Variants in PRKN observed in about 807,000 individuals in gnomAD.
PRKN encodes the protein E3 ubiquitin-protein ligase parkin.
A neutral mutation model predicts 59.5 loss-of-function variants in PRKN; 56 were observed. The observed-to-expected ratio is 0.94, with a 90% CI of 0.76 to 1.18. The LOEUF (loss-of-function observed/expected upper bound fraction) is 1.18, where lower values mean the gene tolerates loss of function less well. Among genes scored for constraint, PRKN ranks in the 50% most tolerant of loss-of-function variants. The probability of loss-of-function intolerance (pLI) is 0.00; values close to 1 mark genes in which losing one functional copy is unlikely to be tolerated. For missense variants in PRKN, 657 were observed against 596.4 expected (o/e 1.10, Z -1.06); for synonymous variants, 250 against 222.1 (o/e 1.13, Z -1.12).
Position 162,318,257 on chromosome 6 carries a change from G to A in PRKN, c.172-55492C>T, listed in dbSNP as rs895150243. 1.1e-4 allele frequency among the ~76,000 whole-genome samples: 16 copies of A among 151,940 alleles called. 1 individual carries two copies. Among genetic ancestry groups the A allele is most frequent in the African/African-American group, 1.5e-4 (6 of 41,354 alleles). ...TATCAAAATTTTATTCCTTTTTAAC[G>A]GTGAATAATAATATCAGAATATGAA... On this transcript the variant is annotated intron_variant, in intron 2 of 11. Coordinates refer to ENST00000366898, the MANE Select transcript of PRKN (RefSeq NM_004562.3).
At chr6:162,583,107 C>T (rs1174385749) in intron 1 of PRKN, among the ~76,000 whole-genome samples, 2 of 152,178 alleles carry the variant, frequency 1.3e-5, no homozygotes, top group Admixed American at 1.3e-4. Context: ...CTTTGATCCC[C>T]TCGCTCAGGA....
At chr6:161,659,040 T>A (rs1003047497) in intron 7 of PRKN, among the ~76,000 whole-genome samples, 1 of 152,220 alleles carries the variant, frequency 6.6e-6, no homozygotes, top group Non-Finnish European at 1.5e-5. Context: ...TTAGTACATG[T>A]TTAACTGCCC....
chr6:162,387,331 T>C (rs1163794855), intron 2 of PRKN, among the ~76,000 whole-genome samples: 1 of 151,940 alleles, frequency 6.6e-6, no homozygotes, highest in African/African-American at 2.4e-5. Flanking sequence ...CAAAAGCTTA[T>C]TTTTTTCCTT....
In PRKN at chr6:161,376,665, AC is replaced by A; in HGVS notation, c.1167+10128del. On this transcript the variant is annotated intron_variant, in intron 10 of 11. Transcript: ENST00000366898. The surrounding 1 kb of genome is among the most constrained non-coding windows in gnomAD (Gnocchi z 7.3). Reference sequence around the variant, plus strand: ...TCACATCACGGCGATAGGGCAGCTCACGCCCAGTGGTGGAGGGTGGATGCGA... The same window carrying A: ...TCACATCACGGCGATAGGGCAGCTCAGCCCAGTGGTGGAGGGTGGATGCGA... Among the ~76,000 whole-genome samples the A allele has an allele frequency of 6.6e-6, 1 of 152,188 alleles. No homozygotes were observed. Among genetic ancestry groups the A allele is most frequent in the African/African-American group, 2.4e-5 (1 of 41,528 alleles).
rs1388887539 is a variant in PRKN, at chr6:161,545,622, T to C, written c.1083+3232A>G. ...TTATACAAACCACAGCAAAACAACA[T>C]GTATCAGGAAAAGGGGAAGAGAAAG... is the stretch of plus-strand genomic sequence containing the variant. On this transcript the variant is annotated intron_variant, in intron 9 of 11. Transcript: ENST00000366898. This position sits in a 1 kb window ranked among gnomAD's most constrained non-coding sequence, Gnocchi z 4.1. 6.6e-6 allele frequency among the ~76,000 whole-genome samples: 1 copy of C among 151,958 alleles called. No individual in the cohort carries two copies. The highest frequency in any genetic ancestry group is 1.5e-5 in the Non-Finnish European group (1 of 68,000).
At chr6:161,721,082 A>G (rs1787201518) in intron 7 of PRKN, among the ~76,000 whole-genome samples, 1 of 152,350 alleles carries the variant, frequency 6.6e-6, no homozygotes, top group South Asian at 2.1e-4. Context: ...CATCCGATCC[A>G]TGGGCAGAGG....
intron 9 of PRKN, among the ~76,000 whole-genome samples, chr6:161,520,031 T>C (rs1199046383): frequency 6.6e-6 from 1 of 152,136 alleles, no homozygotes; most frequent in Non-Finnish European, 1.5e-5. Flanking sequence ...TTGAGGAAAC[T>C]TGTGTTTCCA....
At chr6:162,561,589 A>T (rs1250871009) in intron 1 of PRKN, among the ~76,000 whole-genome samples, 1 of 152,248 alleles carries the variant, frequency 6.6e-6, no homozygotes, top group African/African-American at 2.4e-5. Context: ...AACAAAAAAA[A>T]CCCGTCCTGA....
At chr6:162,043,826 C>T (rs962993061) in intron 5 of PRKN, among the ~76,000 whole-genome samples, 37 of 152,152 alleles carry the variant, frequency 2.4e-4, no homozygotes, top group African/African-American at 6.0e-4. Context: ...CCATTTCTAG[C>T]GATTATAGAT....
At chr6:162,582,634 CTT>C (rs966033456) in intron 1 of PRKN, among the ~76,000 whole-genome samples, 5 of 152,284 alleles carry the variant, frequency 3.3e-5, no homozygotes, top group Admixed American at 3.3e-4. Context: ...ACTCAGCTCT[CTT>C]TGCATTTTAA....
intron 2 of PRKN, among the ~76,000 whole-genome samples, chr6:162,408,874 A>G (rs1788205487): frequency 6.6e-6 from 1 of 152,012 alleles, no homozygotes. Flanking sequence ...GTAAATGATT[A>G]TAATGAATCC....
chr6:161,460,675 C>T lies in PRKN; in HGVS notation c.1084-73798G>A, dbSNP rs1583098421. ...GCATGACTTCCAGGGATGTCCACAGCTGTGGCTTCTCCCAGGTATTTATAG... is the reference window on the plus strand; with the variant it reads ...GCATGACTTCCAGGGATGTCCACAGTTGTGGCTTCTCCCAGGTATTTATAG... On this transcript the variant is annotated intron_variant, in intron 9 of 11. Transcript: ENST00000366898. The surrounding 1 kb of genome is among the most constrained non-coding windows in gnomAD (Gnocchi z 5.0). Among the ~76,000 whole-genome samples the T allele has an allele frequency of 2.0e-5, 3 of 152,110 alleles. No homozygotes were observed. The East Asian group carries it at 5.8e-4, about 29-fold the overall frequency.
chr6:162,641,932 T>C (rs1435730523), intron 1 of PRKN, among the ~76,000 whole-genome samples: 1 of 152,100 alleles, frequency 6.6e-6, no homozygotes, highest in Non-Finnish European at 1.5e-5. Context: ...CAAATACAAT[T>C]TGTTTCCTCA....
chr6:162,677,602 C>T (rs1014623814), intron 1 of PRKN, among the ~76,000 whole-genome samples: 1 of 151,858 alleles, frequency 6.6e-6, no homozygotes, highest in Non-Finnish European at 1.5e-5. Flanking sequence ...TGGCCTGGAA[C>T]TCTGTCAGAG....
intron 1 of PRKN, among the ~76,000 whole-genome samples, chr6:162,600,911 T>G (rs1583883891): frequency 9.6e-6 from 1 of 103,640 alleles, no homozygotes; most frequent in Non-Finnish European, 2.3e-5. Context: ...ATTAAACTTC[T>G]TTTCTTTATA....
chr6:161,793,175 C>T (rs1463323498), intron 6 of PRKN, among the ~76,000 whole-genome samples: 1 of 152,202 alleles, frequency 6.6e-6, no homozygotes, highest in Admixed American at 6.5e-5. Flanking sequence ...TTAACATAAG[C>T]TTCAACAGTT....
At chr6:161,772,185 T>C (rs1039673300) in intron 7 of PRKN, among the ~76,000 whole-genome samples, 2 of 152,140 alleles carry the variant, frequency 1.3e-5, no homozygotes, top group Non-Finnish European at 2.9e-5. Flanking sequence ...TGAACCTGTC[T>C]GCACCAGGAA....
chr6:161,372,005 G>C lies in PRKN; in HGVS notation c.1168-11800C>G, dbSNP rs1785462923. 6.6e-6 allele frequency among the ~76,000 whole-genome samples: 1 copy of C among 152,216 alleles called. No individual in the cohort carries two copies. Among genetic ancestry groups the C allele is most frequent in the Non-Finnish European group, 1.5e-5 (1 of 68,044 alleles). On this transcript the variant is annotated intron_variant, in intron 10 of 11. Coordinates refer to ENST00000366898, the MANE Select transcript of PRKN (RefSeq NM_004562.3). This position sits in a 1 kb window ranked among gnomAD's most constrained non-coding sequence, Gnocchi z 4.2. The stretch of plus-strand genomic sequence containing the variant: ...CTGCTAGGAGTGGAATGTGTGCCAA[G>C]TGCCACAGACGAGATCTTACAGAGT...
At position 162,201,221 on chromosome 6, in the gene PRKN, C is replaced by CA; in HGVS notation, c.443dup (p.Tyr149ValfsTer37). 1 of 1,613,884 alleles carries CA rather than the reference C, an allele frequency of 6.2e-7. No individual in the cohort carries two copies. Among genetic ancestry groups the CA allele is most frequent in the East Asian group, 2.2e-5 (1 of 44,872 alleles). ...CTCTTTGACAGGGGCCTTTGCAATA[C>CA]ACATAAAAGCTGTTGTAGATTGATC... On this transcript the variant is annotated frameshift_variant, in exon 4 of 12. Coordinates refer to ENST00000366898, the MANE Select transcript of PRKN (RefSeq NM_004562.3). LOFTEE classifies it high-confidence loss of function.
Sources: gnomAD v4.1 joint callset for allele counts (sites outside exome capture counted in the v4.1 genomes callset) on GRCh38, gnomAD v4.1.1 for gene constraint, Gnocchi (gnomAD v3.1) non-coding constraint, MANE v1.5 for transcripts, NCBI Gene and HGNC (gene_info 2026-07-23, HGNC 2026-07-21) for gene names.